CDH18: variants seen among roughly 807,000 people sequenced by gnomAD.
CDH18 encodes cadherin-18.
In CDH18, 31 loss-of-function variants were observed where a neutral mutation model predicts 67.9. The observed-to-expected ratio is 0.46, with a 90% confidence interval of 0.34 to 0.62. CDH18 has a LOEUF of 0.62. CDH18 is among the 20% of genes least tolerant of loss of function. CDH18 has a pLI of 0.01. For synonymous variants in CDH18, 362 were observed against 347.2 expected, an observed-to-expected ratio of 1.04 and a Z score of -0.48; for missense variants, 890 against 975.5, an observed-to-expected ratio of 0.91 and a Z score of 1.17.
chr5:19,529,949 G>A (rs1454363257), intron 9 of CDH18, among the ~76,000 whole-genome samples: 4 of 152,048 alleles, frequency 2.6e-5, no homozygotes, highest in Non-Finnish European at 5.9e-5. Context: ...GATTCTAAAA[G>A]TTATATGCAA....
intron 3 of CDH18, among the ~76,000 whole-genome samples, chr5:19,760,285 C>G (rs2387975): frequency 0.68 from 103,144 of 151,976 alleles, 40,565 homozygotes; most frequent in South Asian, 0.87. Flanking sequence ...GTGCTGCCGT[C>G]AAAAATCTAT....
chr5:20,040,976 T>A (rs1266791367), intron 2 of CDH18, among the ~76,000 whole-genome samples: 1 of 152,192 alleles, frequency 6.6e-6, no homozygotes, highest in Non-Finnish European at 1.5e-5. Context: ...TGAGCTAGTT[T>A]TATATACTGA....
At chr5:20,253,095 CCAT>C (rs1395938351) in intron 2 of CDH18, among the ~76,000 whole-genome samples, 1 of 152,112 alleles carries the variant, frequency 6.6e-6, no homozygotes, top group African/African-American at 2.4e-5. Context: ...TAGCTACCAG[CCAT>C]TACACTAAAG....
intron 8 of CDH18, among the ~76,000 whole-genome samples, chr5:19,560,757 T>C (rs186765836): frequency 8.4e-4 from 127 of 152,074 alleles, no homozygotes; most frequent in African/African-American, 3.0e-3. Context: ...CTTCACAATC[T>C]ATACATCTGA....
chr5:20,436,790 T>C (rs573323872), intron 1 of CDH18, among the ~76,000 whole-genome samples: 40 of 150,238 alleles, frequency 2.7e-4, no homozygotes, highest in Non-Finnish European at 4.5e-4. Context: ...TCTAAGAATT[T>C]GACAGATGCC....
chr5:19,772,441 T>C (rs1391430), intron 3 of CDH18, among the ~76,000 whole-genome samples: 146,953 of 152,196 alleles, frequency 0.97, 71,146 homozygotes, highest in Middle Eastern at 1. Context: ...GTTGAAGATG[T>C]TATAATACTT....
chr5:20,518,571 G>A (rs1221722365), intron 1 of CDH18, among the ~76,000 whole-genome samples: 1 of 152,058 alleles, frequency 6.6e-6, no homozygotes, highest in African/African-American at 2.4e-5. Context: ...GCGTTTCAAT[G>A]GACTAAGCAT....
intron 2 of CDH18, among the ~76,000 whole-genome samples, chr5:20,006,363 T>G (rs545805735): frequency 6.6e-6 from 1 of 152,026 alleles, no homozygotes; most frequent in African/African-American, 2.4e-5. Context: ...TTTACAATAA[T>G]ATTTTCTACC....
rs139764166 is a variant in CDH18 at position 19,687,115 on chromosome 5, G to C, written c.643+34232C>G. Among the ~76,000 whole-genome samples the C allele has an allele frequency of 1.5e-3, 233 of 152,302 alleles. 3 individuals carry two copies. In the East Asian group the frequency reaches 0.038, roughly 25 times the overall value. ...CTGTGATCAGCTGGGAGCCTGGAAA[G>C]GCTCCCCACTGTGTGGAGCAGTTCC... is the stretch of plus-strand genomic sequence containing the variant. On this transcript the variant is annotated intron_variant, in intron 5 of 12. Coordinates refer to ENST00000382275, the MANE Select transcript of CDH18 (RefSeq NM_004934.5).
intron 5 of CDH18, among the ~76,000 whole-genome samples, chr5:19,658,155 C>T (rs4423997): frequency 0.66 from 99,739 of 151,786 alleles, 33,065 homozygotes; most frequent in South Asian, 0.74. Flanking sequence ...TTTTCTTGTA[C>T]ATTTTTAAAA....
chr5:19,828,530 G>T (rs1352851173), intron 3 of CDH18, among the ~76,000 whole-genome samples: 1 of 152,146 alleles, frequency 6.6e-6, no homozygotes, highest in Non-Finnish European at 1.5e-5. Flanking sequence ...ACATCAAAAA[G>T]CTACTCCACC....
chr5:19,567,851 C>T (rs1213833952), intron 8 of CDH18, among the ~76,000 whole-genome samples: 3 of 152,168 alleles, frequency 2.0e-5, no homozygotes, highest in East Asian at 3.9e-4. Flanking sequence ...CAGGAGAGTG[C>T]ATGTTTCATA....
At chr5:19,737,959 T>C (rs1768575020) in intron 4 of CDH18, among the ~76,000 whole-genome samples, 1 of 152,118 alleles carries the variant, frequency 6.6e-6, no homozygotes, top group Non-Finnish European at 1.5e-5. Context: ...TCTATATATG[T>C]GACATTCCAG....
Position 19,766,038 on chromosome 5 carries a change from C to G in CDH18, c.229-18802G>C, listed in dbSNP as rs959597018. ...GGGATTACAGGTGCCCACCACCACA[C>G]CCGGCTATTTTTGTATATTTAGTAG... On this transcript the variant is annotated intron_variant, in intron 3 of 12. Coordinates refer to ENST00000382275, the MANE Select transcript of CDH18 (RefSeq NM_004934.5). Among the ~76,000 whole-genome samples, 6 of 152,178 alleles carry G rather than the reference C, an allele frequency of 3.9e-5. No homozygotes were observed. In the East Asian group the frequency reaches 7.8e-4, roughly 20 times the overall value.
At chr5:19,961,104 T>TG (rs1561637748) in intron 2 of CDH18, among the ~76,000 whole-genome samples, 1 of 137,954 alleles carries the variant, frequency 7.2e-6, no homozygotes, top group Non-Finnish European at 1.5e-5. Flanking sequence ...ATTATAATTT[T>TG]TTTTTTTTTT....
rs144348225 is a variant in CDH18 at position 19,508,167 on chromosome 5, C to A, written c.1513-5058G>T. Among the ~76,000 whole-genome samples the A allele has an allele frequency of 3.9e-3, 588 of 151,962 alleles. 5 individuals carry two copies. Among genetic ancestry groups the A allele is most frequent in the African/African-American group, 0.014 (571 of 41,474 alleles). On this transcript the variant is annotated intron_variant, in intron 10 of 12. Coordinates refer to ENST00000382275, the MANE Select transcript of CDH18 (RefSeq NM_004934.5). ...TGGCATATTCAATATTTCTGTTTTA[C>A]AAATCACCTTGTCTCTTTCATCATG...
chr5:19,840,129 T>A (rs6895376), intron 2 of CDH18, among the ~76,000 whole-genome samples: 7 of 149,816 alleles, frequency 4.7e-5, no homozygotes, highest in Admixed American at 4.0e-4. Flanking sequence ...TGAGCCGGGC[T>A]TGGTGGCGGT....
chr5:19,574,126 G>A (rs1033082742), intron 7 of CDH18, among the ~76,000 whole-genome samples: 1 of 152,102 alleles, frequency 6.6e-6, no homozygotes, highest in African/African-American at 2.4e-5. Flanking sequence ...CGTCCTATCT[G>A]ATATTATTAT....
intron 5 of CDH18, among the ~76,000 whole-genome samples, chr5:19,651,340 G>A (rs924885390): frequency 1.3e-5 from 2 of 152,024 alleles, no homozygotes; most frequent in Non-Finnish European, 2.9e-5. Flanking sequence ...TTAAAAAAAT[G>A]TGTTCAACAG....
Sources: allele counts gnomAD v4.1 joint callset (sites outside exome capture counted in the v4.1 genomes callset), GRCh38; gene constraint gnomAD v4.1.1; transcripts MANE v1.5; gene names NCBI Gene and HGNC (gene_info 2026-07-23, HGNC 2026-07-21).